The following CACNB2 variants were observed in gnomAD, a reference collection of about 807,000 sequenced individuals.
The protein encoded by CACNB2 is voltage-dependent L-type calcium channel subunit beta-2.
CACNB2 carries 42 observed loss-of-function variants against 73.3 expected under a neutral mutation model. The ratio of observed to expected loss-of-function variants is 0.57; its 90% CI spans 0.45 to 0.74. The LOEUF (loss-of-function observed/expected upper bound fraction) is 0.74, where lower values mean the gene tolerates loss of function less well. Ranked by LOEUF, CACNB2 falls within the 30% of genes least tolerant of loss-of-function variation. The probability of loss-of-function intolerance (pLI) is 0.00; values close to 1 mark genes in which losing one functional copy is unlikely to be tolerated. For synonymous variants in CACNB2, 348 were observed against 310.3 expected, an observed-to-expected ratio of 1.12 and a Z score of -1.28; for missense variants, 940 against 853.0, an observed-to-expected ratio of 1.10 and a Z score of -1.27.
chr10:18,311,274 T>C (rs1323739434), intron 2 of CACNB2, among the ~76,000 whole-genome samples: 1 of 152,234 alleles, frequency 6.6e-6, no homozygotes, highest in Non-Finnish European at 1.5e-5. Context: ...TGGTTCATTA[T>C]AGGCAGGTGG....
At chr10:18,148,730 C>T (rs538351124) in intron 1 of CACNB2, among the ~76,000 whole-genome samples, 1 of 152,282 alleles carries the variant, frequency 6.6e-6, no homozygotes, top group Admixed American at 6.5e-5. Flanking sequence ...CATGGTAGCT[C>T]ACTCCTGTAG....
At chr10:18,445,438 A>G (rs2046685526) in intron 3 of CACNB2, among the ~76,000 whole-genome samples, 1 of 152,210 alleles carries the variant, frequency 6.6e-6, no homozygotes, top group South Asian at 2.1e-4. Flanking sequence ...TATTTTGGCA[A>G]CAGAGTTTCC....
chr10:18,416,946 G>A (rs1359459499), intron 3 of CACNB2, among the ~76,000 whole-genome samples: 1 of 150,962 alleles, frequency 6.6e-6, no homozygotes. Context: ...CCAGGCTTCT[G>A]CCTCATTTTT....
chr10:18,423,343 T>C (rs576123213), intron 3 of CACNB2, among the ~76,000 whole-genome samples: 1 of 152,320 alleles, frequency 6.6e-6, no homozygotes, highest in South Asian at 2.1e-4. Flanking sequence ...TTTTAGAAAC[T>C]TTCTGTTTGG....
intron 2 of CACNB2, among the ~76,000 whole-genome samples, chr10:18,334,106 C>A (rs2040909743): frequency 6.6e-6 from 1 of 152,158 alleles, no homozygotes; most frequent in Non-Finnish European, 1.5e-5. Flanking sequence ...GATTAGTGAG[C>A]ATGCATCTAG....
chr10:18,477,821 C>T (rs1269380149), intron 3 of CACNB2, among the ~76,000 whole-genome samples: 3 of 152,182 alleles, frequency 2.0e-5, no homozygotes, highest in Non-Finnish European at 4.4e-5. Context: ...AAGTATTTAA[C>T]CTTTTAGTTG....
chr10:18,446,582 A>C (rs1415774301), intron 3 of CACNB2, among the ~76,000 whole-genome samples: 1 of 152,166 alleles, frequency 6.6e-6, no homozygotes, highest in Non-Finnish European at 1.5e-5. Context: ...GTATTGGTAG[A>C]TGTTTCCAGT....
chr10:18,287,049 C>T (rs1272621049), intron 2 of CACNB2, among the ~76,000 whole-genome samples: 1 of 152,178 alleles, frequency 6.6e-6, no homozygotes, highest in African/African-American at 2.4e-5. Context: ...AAGCCATAGG[C>T]CAGGTGTGGT....
chr10:18,201,990 T>C (rs2034901775), intron 2 of CACNB2, among the ~76,000 whole-genome samples: 1 of 152,202 alleles, frequency 6.6e-6, no homozygotes, highest in African/African-American at 2.4e-5. Flanking sequence ...AAATCTTTCA[T>C]TATGTAGCCA....
chr10:18,165,399 T>C (rs916182617), intron 2 of CACNB2, among the ~76,000 whole-genome samples: 1 of 152,238 alleles, frequency 6.6e-6, no homozygotes, highest in African/African-American at 2.4e-5. Flanking sequence ...TCACTGCACC[T>C]GTGCCCTCTT....
chr10:18,346,610 C>CG (rs921100918), intron 2 of CACNB2, among the ~76,000 whole-genome samples: 2 of 150,510 alleles, frequency 1.3e-5, no homozygotes, highest in South Asian at 2.1e-4. Context: ...GAGGGGAGCT[C>CG]GGGGGGCACA....
intron 2 of CACNB2, among the ~76,000 whole-genome samples, chr10:18,185,134 G>A (rs1360319560): frequency 2.0e-5 from 3 of 151,984 alleles, no homozygotes; most frequent in African/African-American, 4.8e-5. Context: ...GCCACCACAC[G>A]CACTTGACTT....
At chr10:18,385,765 A>G (rs2043207407) in intron 2 of CACNB2, among the ~76,000 whole-genome samples, 1 of 148,072 alleles carries the variant, frequency 6.8e-6, no homozygotes, top group African/African-American at 2.4e-5. Flanking sequence ...AACCTGTAAA[A>G]TACATCTTGG....
At chr10:18,445,799 C>T (rs2046703618) in intron 3 of CACNB2, among the ~76,000 whole-genome samples, 1 of 152,096 alleles carries the variant, frequency 6.6e-6, no homozygotes, top group African/African-American at 2.4e-5. Flanking sequence ...TTTGGGAGAC[C>T]AAGGCAGGCA....
At position 18,542,205 on chromosome 10, in the gene CACNB2, T is replaced by C. The variant is rs146603590; in HGVS notation, c.*2481T>C. On this transcript the variant is annotated 3_prime_UTR_variant, in exon 14 of 14. Transcript: ENST00000324631. ...GGTGTTTAAAAAAAGAAAATAAAAA[T>C]TAGTTACATATATAATGTTTTATCA... 1 of 152,192 alleles carries C rather than the reference T, an allele frequency of 6.6e-6. No homozygotes were observed. The highest frequency in any genetic ancestry group is 1.9e-4 in the East Asian group (1 of 5,176). The allele number at this position is 152,192 out of a possible 1,614,324, so 9.4% of individuals were successfully genotyped here.
chr10:18,499,412 TGAA>T (rs2050043657), intron 4 of CACNB2, among the ~76,000 whole-genome samples: 1 of 151,736 alleles, frequency 6.6e-6, no homozygotes. Context: ...GGTCAGGAGA[TGAA>T]GACCATCCTG....
chr10:18,208,311 A>C (rs931270560), intron 2 of CACNB2, among the ~76,000 whole-genome samples: 3 of 152,108 alleles, frequency 2.0e-5, no homozygotes, highest in Non-Finnish European at 2.9e-5. Context: ...TACACACACA[A>C]AAAACTTTTT....
intron 2 of CACNB2, among the ~76,000 whole-genome samples, chr10:18,348,618 C>T (rs1293946909): frequency 6.6e-6 from 1 of 152,138 alleles, no homozygotes; most frequent in Non-Finnish European, 1.5e-5. Context: ...ATTCTCCTGC[C>T]TCAGCCTCCC....
At chr10:18,390,857 A>G (rs7088518) in intron 2 of CACNB2, among the ~76,000 whole-genome samples, 7,432 of 152,298 alleles carry the variant, frequency 0.049, 630 homozygotes, top group African/African-American at 0.17. Context: ...TCAATTTAGT[A>G]TACTCATTTT....
Sources: allele counts gnomAD v4.1 joint callset (sites outside exome capture counted in the v4.1 genomes callset), GRCh38; gene constraint gnomAD v4.1.1; transcripts MANE v1.5; gene names NCBI Gene and HGNC (gene_info 2026-07-23, HGNC 2026-07-21).